The following CSMD3 variants were observed in gnomAD, a reference collection of about 807,000 sequenced individuals.
CSMD3 encodes the protein CUB and sushi domain-containing protein 3.
Under a neutral mutation model 435.2 loss-of-function variants are expected in CSMD3, and 177 were observed. The ratio of observed to expected loss-of-function variants is 0.41; its 90% CI spans 0.36 to 0.46. The LOEUF (loss-of-function observed/expected upper bound fraction) is 0.46. CSMD3 is among the 20% of genes least tolerant of loss of function. The probability of loss-of-function intolerance (pLI) is 0.34; values close to 1 mark genes in which losing one functional copy is unlikely to be tolerated. For synonymous variants in CSMD3, 1,656 were observed against 1,520.5 expected, an observed-to-expected ratio of 1.09 and a Z score of -2.07; for missense variants, 4,265 against 4,504.6, an observed-to-expected ratio of 0.95 and a Z score of 1.52.
intron 3 of CSMD3, among the ~76,000 whole-genome samples, chr8:113,230,877 A>T (rs1403968169): frequency 6.6e-6 from 1 of 151,500 alleles, no homozygotes; most frequent in Admixed American, 6.6e-5. Flanking sequence ...AATTTATAAT[A>T]ATACTAATTG....
At chr8:112,599,342 T>C (rs1326723742) in intron 22 of CSMD3, among the ~76,000 whole-genome samples, 5 of 149,084 alleles carry the variant, frequency 3.4e-5, no homozygotes, top group Admixed American at 6.7e-5. Context: ...CCAGTTAGAA[T>C]GGCAATCATT....
chr8:113,415,701 A>T, intron 1 of CSMD3, among the ~76,000 whole-genome samples: 1 of 152,282 alleles, frequency 6.6e-6, no homozygotes, highest in Non-Finnish European at 1.5e-5. Context: ...ATTGAAAGAC[A>T]GAATGATCCC....
At chr8:112,964,431 A>G (rs917706166) in intron 7 of CSMD3, among the ~76,000 whole-genome samples, 20 of 151,946 alleles carry the variant, frequency 1.3e-4, no homozygotes, top group African/African-American at 4.8e-4. Context: ...AACTGGATTT[A>G]ATATTGAATG....
At chr8:112,585,409 C>CTTT (rs56220349) in intron 23 of CSMD3, among the ~76,000 whole-genome samples, 1 of 146,126 alleles carries the variant, frequency 6.8e-6, no homozygotes. Flanking sequence ...TACATTGAGT[C>CTTT]TTTTTTTTTT....
chr8:112,690,888 A>T (rs1225222853), intron 13 of CSMD3, among the ~76,000 whole-genome samples: 2 of 152,022 alleles, frequency 1.3e-5, no homozygotes. Flanking sequence ...AAAAAAAAAT[A>T]CAAATTAAAA....
At chr8:113,041,217 A>T in intron 5 of CSMD3, among the ~76,000 whole-genome samples, 1 of 21,504 alleles carries the variant, frequency 4.7e-5, no homozygotes, top group African/African-American at 1.5e-4. Flanking sequence ...AAAAAAAAAA[A>T]GGGGGGGGTG....
intron 13 of CSMD3, among the ~76,000 whole-genome samples, chr8:112,744,779 C>T (rs1275103447): frequency 1.3e-5 from 2 of 151,994 alleles, no homozygotes; most frequent in Admixed American, 6.6e-5. Flanking sequence ...GACAGCTTTC[C>T]AAGTGCAAAT....
intron 13 of CSMD3, among the ~76,000 whole-genome samples, chr8:112,705,987 G>A (rs2076491092): frequency 6.6e-6 from 1 of 151,978 alleles, no homozygotes; most frequent in African/African-American, 2.4e-5. Flanking sequence ...GTTCTTCAAA[G>A]GAACTCCTTG....
chr8:112,509,524 A>G (rs1182739767), intron 28 of CSMD3, among the ~76,000 whole-genome samples: 1 of 152,230 alleles, frequency 6.6e-6, no homozygotes, highest in Non-Finnish European at 1.5e-5. Flanking sequence ...ATTTATAATA[A>G]TAATGAAGAC....
At chr8:112,587,981 T>C (rs1482649352) in intron 22 of CSMD3, among the ~76,000 whole-genome samples, 1 of 151,868 alleles carries the variant, frequency 6.6e-6, no homozygotes, top group Non-Finnish European at 1.5e-5. Context: ...ACAAATTTAG[T>C]TCGAACTTAA....
intron 5 of CSMD3, among the ~76,000 whole-genome samples, chr8:113,029,004 A>G (rs1285512623): frequency 6.6e-6 from 1 of 151,576 alleles, no homozygotes; most frequent in Non-Finnish European, 1.5e-5. Flanking sequence ...AGAGAAGTCA[A>G]TGCCTGGCTT....
chr8:112,300,530 C>G (rs548558267), intron 53 of CSMD3, among the ~76,000 whole-genome samples: 2 of 151,982 alleles, frequency 1.3e-5, no homozygotes, highest in South Asian at 4.2e-4. Flanking sequence ...ATATGCCCAA[C>G]CTTATCCAAT....
intron 13 of CSMD3, among the ~76,000 whole-genome samples, chr8:112,766,864 G>A (rs529731157): frequency 6.6e-6 from 1 of 151,762 alleles, no homozygotes; most frequent in Non-Finnish European, 1.5e-5. Flanking sequence ...GAAATGGGGG[G>A]TTTAAATCCC....
intron 10 of CSMD3, among the ~76,000 whole-genome samples, chr8:112,864,453 G>T (rs570804454): frequency 3.9e-4 from 59 of 152,118 alleles, no homozygotes; most frequent in African/African-American, 1.3e-3. Flanking sequence ...GTTTCACCAT[G>T]TTGGCCAGGC....
At chr8:113,071,456 G>A (rs1414136934) in intron 5 of CSMD3, among the ~76,000 whole-genome samples, 1 of 151,860 alleles carries the variant, frequency 6.6e-6, no homozygotes, top group Non-Finnish European at 1.5e-5. Context: ...TCAGGTCTTA[G>A]AGGTAAGTCT....
At chr8:112,708,691 G>A (rs1489438116) in intron 13 of CSMD3, among the ~76,000 whole-genome samples, 2 of 133,254 alleles carry the variant, frequency 1.5e-5, no homozygotes, top group African/African-American at 2.8e-5. Context: ...ATATATATTG[G>A]AAAACCACCA....
intron 30 of CSMD3, among the ~76,000 whole-genome samples, chr8:112,500,530 A>G (rs1385677459): frequency 6.6e-6 from 1 of 152,162 alleles, no homozygotes; most frequent in East Asian, 1.9e-4. Context: ...TGTAATCTTG[A>G]TATCAAAACC....
At chr8:112,396,347 G>A (rs1259082148) in intron 35 of CSMD3, among the ~76,000 whole-genome samples, 1 of 152,116 alleles carries the variant, frequency 6.6e-6, no homozygotes, top group Non-Finnish European at 1.5e-5. Context: ...TAAATAGGCT[G>A]TCAAAGATTA....
chr8:112,896,189 A>G (rs970800994), intron 10 of CSMD3, among the ~76,000 whole-genome samples: 1 of 151,408 alleles, frequency 6.6e-6, no homozygotes, highest in Non-Finnish European at 1.5e-5. Context: ...ACTGTCTTAT[A>G]AAGAAGTCTA....
Sources: gnomAD v4.1 joint callset for allele counts (sites outside exome capture counted in the v4.1 genomes callset) on GRCh38, gnomAD v4.1.1 for gene constraint, MANE v1.5 for transcripts, NCBI Gene and HGNC (gene_info 2026-07-23, HGNC 2026-07-21) for gene names.